GATA5: variants seen among roughly 807,000 people sequenced by gnomAD.
The protein encoded by GATA5 is GATA binding protein 5, also known as transcription factor GATA-5.
GATA5 carries 27 observed loss-of-function variants against 35.0 expected under a neutral mutation model. The ratio of observed to expected loss-of-function variants is 0.77; its 90% CI spans 0.57 to 1.06. GATA5 has a LOEUF of 1.06. GATA5 is among the 50% of genes least tolerant of loss of function. The pLI is 0.00. For synonymous variants in GATA5, 306 were observed against 267.8 expected (o/e 1.14, Z -1.39); for missense variants, 612 against 580.0 (o/e 1.06, Z -0.57).
intron 3 of GATA5, among the ~76,000 whole-genome samples, chr20:62,471,391 T>TA (rs1989715650): frequency 6.7e-6 from 1 of 150,182 alleles, no homozygotes; most frequent in African/African-American, 2.5e-5. Flanking sequence ...TAATTTAACT[T>TA]AAAATGTAAT....
chr20:62,465,137 C>G (rs1555895916), intron 6 of GATA5, 146 bp from the exon 7 acceptor site: 1 of 897,584 alleles, frequency 1.1e-6, no homozygotes, highest in Non-Finnish European at 1.6e-6. Context: ...CATGGGGGAC[C>G]CCACGTGAGG....
chr20:62,474,067 G>A (rs1989789797), intron 2 of GATA5, among the ~76,000 whole-genome samples: 4 of 151,836 alleles, frequency 2.6e-5, no homozygotes, highest in South Asian at 2.1e-4. Flanking sequence ...CTGCAAAGCG[G>A]GTCCATGACA....
At position 62,464,840 on chromosome 20, in the gene GATA5, G is replaced by A. The variant is rs947015402; in HGVS notation, c.1190C>T (p.Ala397Val). The stretch of plus-strand genomic sequence containing the variant: ...GACATGGGCTGGCCTGGGGACCTAG[G>A]CCAAGGCCAGCGCACACCAGGCCTC... ...RQEAWCALALA is the reference protein window; with the variant it reads ...RQEAWCALALV The change falls in exon 7 of 7, where the codon GCC becomes GTC. Residue 397 changes from alanine to valine, a missense_variant. Coordinates refer to ENST00000252997, the MANE Select transcript of GATA5 (RefSeq NM_080473.5). 4 of 1,594,418 alleles carry A rather than the reference G, an allele frequency of 2.5e-6. No individual in the cohort carries two copies. Among genetic ancestry groups the A allele is most frequent in the Non-Finnish European group, 3.4e-6 (4 of 1,169,178 alleles).
chr20:62,466,757 T>C (rs1179997492), intron 3 of GATA5, among the ~76,000 whole-genome samples: 3 of 152,212 alleles, frequency 2.0e-5, no homozygotes, highest in East Asian at 1.9e-4. Flanking sequence ...GGCCTCAGTT[T>C]CCCCCCAAGT....
At position 62,464,845 on chromosome 20, in the gene GATA5, G is replaced by A. The variant is rs1555895850; in HGVS notation, c.1185C>T (p.Ala395=). The change falls in exon 7 of 7, where the codon GCC becomes GCT. Residue 395 remains alanine, a synonymous_variant. Coordinates refer to ENST00000252997, the MANE Select transcript of GATA5 (RefSeq NM_080473.5). ...GGGCTGGCCTGGGGACCTAGGCCAA[G>A]GCCAGCGCACACCAGGCCTCTTGGC... ...ALRQEAWCAL[A]LA 6.2e-7 allele frequency: 1 copy of A among 1,602,428 alleles called. No homozygotes were observed. Among genetic ancestry groups the A allele is most frequent in the Admixed American group, 1.7e-5 (1 of 58,848 alleles).
intron 3 of GATA5, among the ~76,000 whole-genome samples, chr20:62,472,778 G>A (rs994279746): frequency 3.9e-5 from 6 of 152,200 alleles, no homozygotes; most frequent in African/African-American, 1.4e-4. Flanking sequence ...CCCACTCCCT[G>A]CTCAGCCACA....
intron 6 of GATA5, 31 bp downstream of exon 6, chr20:62,465,309 C>T (rs1555895928): frequency 3.8e-6 from 6 of 1,571,308 alleles, no homozygotes; most frequent in African/African-American, 2.7e-5. Flanking sequence ...GGCCCCAGCT[C>T]TGGGCACCCC....
At position 62,466,412 on chromosome 20, in the gene GATA5, G is replaced by T. The variant is rs570829201; in HGVS notation, c.825+14C>A. 2.5e-6 allele frequency: 4 copies of T among 1,574,454 alleles called. No homozygotes were observed. The highest frequency in any genetic ancestry group is 2.7e-5 in the African/African-American group (2 of 74,124). ...ACAGAGGCCTCCCCGCCCTGCCCCGGGGACCACACTCACCCCGTGCAGCTT... is the reference window on the plus strand; with the variant it reads ...ACAGAGGCCTCCCCGCCCTGCCCCGTGGACCACACTCACCCCGTGCAGCTT... On this transcript the variant is annotated intron_variant, in intron 4 of 6. Coordinates refer to ENST00000252997, the MANE Select transcript of GATA5 (RefSeq NM_080473.5).
chr20:62,474,339 T>C (rs1989798908), intron 2 of GATA5, among the ~76,000 whole-genome samples: 4 of 152,172 alleles, frequency 2.6e-5, no homozygotes, highest in Admixed American at 2.0e-4. Context: ...GCAGCCGGGC[T>C]GTCCAGGGAG....
rs1989534342 is a variant in GATA5, at chr20:62,464,773, C to T, written c.*63G>A. ...CTGCTGTGCTGGAGCAAAGCAGGCA[C>T]GGAGGTGACTCAGTGGGTGGTCTGT... On this transcript the variant is annotated 3_prime_UTR_variant, in exon 7 of 7. Coordinates refer to ENST00000252997, the MANE Select transcript of GATA5 (RefSeq NM_080473.5). 5.7e-6 allele frequency: 8 copies of T among 1,405,334 alleles called. No homozygotes were observed. The highest frequency in any genetic ancestry group is 2.5e-5 in the East Asian group (1 of 40,046). 87.1% of individuals were successfully genotyped at this position (1,405,334 alleles called of 1,614,324 possible).
intron 3 of GATA5, among the ~76,000 whole-genome samples, chr20:62,471,369 T>A (rs1159429471): frequency 2.6e-5 from 4 of 150,958 alleles, no homozygotes; most frequent in African/African-American, 4.9e-5. Flanking sequence ...TTCTCTTTTT[T>A]AAAAAAAAAT....
chr20:62,472,528 C>T (rs375225459), intron 3 of GATA5, among the ~76,000 whole-genome samples: 1 of 152,246 alleles, frequency 6.6e-6, no homozygotes, highest in Non-Finnish European at 1.5e-5. Context: ...ACACCACCAG[C>T]GGAGGAGGAC....
At position 62,473,268 on chromosome 20, in the gene GATA5, G is replaced by A. The variant is rs1340353153; in HGVS notation, c.699+135C>T. The A allele has an allele frequency of 1.6e-5, 15 of 936,138 alleles. No individual in the cohort carries two copies. In the South Asian group the frequency reaches 2.2e-4, roughly 14 times the overall value. The allele number at this position is 936,138 out of a possible 1,614,324, so 58.0% of individuals were successfully genotyped here. A position where few individuals can be genotyped will look rare whatever the true frequency, so the allele number is the denominator to read the frequency against. ...GAGCCGGCCTGACCTGACCCACCGG[G>A]GCGGGCACCCAGGCTGTTTTTGGGA... On this transcript the variant is annotated intron_variant, in intron 3 of 6. Coordinates refer to ENST00000252997, the MANE Select transcript of GATA5 (RefSeq NM_080473.5).
Position 62,475,092 on chromosome 20 carries a change from C to A in GATA5, c.430G>T (p.Ala144Ser). The A allele has an allele frequency of 2.1e-6, 3 of 1,406,730 alleles. No homozygotes were observed. The highest frequency in any genetic ancestry group is 1.5e-5 in the South Asian group (1 of 64,534). 87.1% of individuals were successfully genotyped at this position (1,406,730 alleles called of 1,614,324 possible). ...TGGGCCACGTCGGGGCTCACGTAGGCCGGGTAGGTGGCGGAGTACGAGGTC... is the reference window on the plus strand; with the variant it reads ...TGGGCCACGTCGGGGCTCACGTAGGACGGGTAGGTGGCGGAGTACGAGGTC... ...VGTSYSATYP[A>S]YVSPDVAQSW... is the part of the protein sequence containing the mutation. The change falls in exon 2 of 7, where the codon GCC becomes TCC. Residue 144 changes from alanine (A) to serine (S), a missense_variant. Transcript: ENST00000252997.
In GATA5 at chr20:62,475,411, C is replaced by T. The variant is rs940848073; in HGVS notation, c.111G>A (p.Ala37=). The T allele has an allele frequency of 1.3e-5, 17 of 1,356,298 alleles. No individual in the cohort carries two copies. The African/African-American group carries it at 2.1e-4, about 17-fold the overall frequency. The allele number at this position is 1,356,298 out of a possible 1,614,324, so 84.0% of individuals were successfully genotyped here. A position where few individuals can be genotyped will look rare whatever the true frequency, so the allele number is the denominator to read the frequency against. The change falls in exon 2 of 7, where the codon GCG becomes GCA. Residue 37 remains alanine, a synonymous_variant. Transcript: ENST00000252997. ...GGTAGGACAGCATCGAGGGGACGCG[C>T]GCCGGCGGCACAAACATCGGAGAGC... The part of the protein sequence containing the change: ...GAGSPMFVPP[A]RVPSMLSYLS...
At chr20:62,468,565 G>T (rs1989649646) in intron 3 of GATA5, among the ~76,000 whole-genome samples, 1 of 152,370 alleles carries the variant, frequency 6.6e-6, no homozygotes, top group Admixed American at 6.5e-5. Context: ...TTCATCTGGG[G>T]CCAGGCCTCC....
chr20:62,465,285 G>A (rs942270418), intron 6 of GATA5, 55 bp downstream of exon 6: 20 of 1,535,392 alleles, frequency 1.3e-5, no homozygotes, highest in East Asian at 2.3e-5. Context: ...CTGACTTGGC[G>A]GAGGAAGCAC....
rs1555896099 is a variant in GATA5, at chr20:62,466,452, A to G, written c.799T>C (p.Cys267Arg). ...NSEGEPVCNA[C>R]GLYMKLHGVP... ...CCGTGCAGCTTCATGTAGAGGCCGC[A>G]GGCATTGCACACGGGCTCCCCCTCC... is the stretch of plus-strand genomic sequence containing the variant. The change falls in exon 4 of 7, where the codon TGC becomes CGC. Residue 267 changes from cysteine to arginine, a missense_variant. By Grantham distance (180) the Cys-to-Arg change is radical. Coordinates refer to ENST00000252997, the MANE Select transcript of GATA5 (RefSeq NM_080473.5). The G allele has an allele frequency of 6.3e-7, 1 of 1,585,134 alleles. No individual in the cohort carries two copies. The highest frequency in any genetic ancestry group is 8.6e-7 in the Non-Finnish European group (1 of 1,166,072).
chr20:62,474,179 C>G (rs560858570), intron 2 of GATA5, among the ~76,000 whole-genome samples: 187 of 152,354 alleles, frequency 1.2e-3, no homozygotes, highest in African/African-American at 4.3e-3. Flanking sequence ...CTCACAGCCC[C>G]CTGGGGCCGG....
Sources: allele counts gnomAD v4.1 joint callset (sites outside exome capture counted in the v4.1 genomes callset), GRCh38; gene constraint gnomAD v4.1.1; transcripts MANE v1.5; gene names NCBI Gene and HGNC (gene_info 2026-07-23, HGNC 2026-07-21).